Variants in FARP2 observed in about 807,000 individuals in gnomAD.
FARP2 encodes the protein FERM, ARHGEF and pleckstrin domain-containing protein 2.
Under a neutral mutation model 130.5 loss-of-function variants are expected in FARP2, and 111 were observed. That is an observed-to-expected ratio of 0.85 (90% CI 0.73 to 1.00). FARP2 has a LOEUF of 1.00. Ranked by LOEUF, FARP2 falls within the 50% of genes least tolerant of loss-of-function variation. The pLI is 0.00. For synonymous variants in FARP2, 504 were observed against 516.9 expected (o/e 0.98, Z 0.34); for missense variants, 1,385 against 1,346.3 (o/e 1.03, Z -0.45).
In FARP2 at chr2:241,491,572, C is replaced by T. The variant is rs750425141; in HGVS notation, c.2680C>T (p.Arg894Cys). The change falls in exon 24 of 27, where the codon CGC (arginine) becomes TGC (cysteine). Residue 894 changes from arginine to cysteine, a missense_variant. Transcript: ENST00000264042. ...QESEDDARGV[R>C]SSLEGHGQHR... ...GTCAGAAGATGATGCTCGGGGTGTC[C>T]GCAGCTCCCTGGAGGGGCATGGCCA... The T allele has an allele frequency of 1.4e-5, 23 of 1,613,656 alleles. No individual in the cohort carries two copies. Among genetic ancestry groups the T allele is most frequent in the Non-Finnish European group, 1.7e-5 (20 of 1,179,982 alleles).
rs1194487830 is a variant in FARP2 at position 241,493,944 on chromosome 2, T to G, written c.3048-64T>G. The stretch of plus-strand genomic sequence containing the variant: ...GTCCTGCTTGTCCCATATCCTGGGT[T>G]GTTCTTGGGACAGTGTCTGAGCACA... On this transcript the variant is annotated intron_variant, in intron 26 of 26. Transcript: ENST00000264042. 6 of 1,038,572 alleles carry G rather than the reference T, an allele frequency of 5.8e-6. No homozygotes were observed. The East Asian group carries it at 1.4e-4, about 25-fold the overall frequency. The allele number at this position is 1,038,572 out of a possible 1,614,324, so 64.3% of individuals were successfully genotyped here. A position where few individuals can be genotyped will look rare whatever the true frequency, so the allele number is the denominator to read the frequency against.
chr2:241,472,939 T>A (rs2064358099), intron 18 of FARP2, among the ~76,000 whole-genome samples: 1 of 149,928 alleles, frequency 6.7e-6, no homozygotes, highest in Non-Finnish European at 1.5e-5. Context: ...CTGAGGGGGA[T>A]GCTATTCTGA....
chr2:241,407,568 A>G lies in FARP2; in HGVS notation c.363A>G (p.Val121=). Residue 121 remains valine (V), a synonymous_variant, in exon 5 of 27, where the codon GTA becomes GTG. Coordinates refer to ENST00000264042, the MANE Select transcript of FARP2 (RefSeq NM_014808.4). ...AGAATGTGGTGCTTCGCCTAGCTGT[A>G]AAATTTTTTCCACCTGATCCTGGTC... ...RPKNVVLRLA[V]KFFPPDPGQL... 1 of 1,614,120 alleles carries G rather than the reference A, an allele frequency of 6.2e-7. No individual in the cohort carries two copies. Among genetic ancestry groups the G allele is most frequent in the Non-Finnish European group, 8.5e-7 (1 of 1,179,936 alleles).
At chr2:241,488,400 T>C (rs1216485150) in intron 21 of FARP2, 2 of 150,966 alleles carry the variant, frequency 1.3e-5, no homozygotes, top group Admixed American at 1.3e-4. Context: ...CTAGAATTTG[T>C]TTTTTTACTT....
intron 15 of FARP2, 85 bp downstream of exon 15, chr2:241,462,697 T>C (rs1187545887): frequency 9.9e-7 from 1 of 1,005,080 alleles, no homozygotes; most frequent in Non-Finnish European, 1.5e-6. Flanking sequence ...TTTTTCTTTT[T>C]TTCTTTTTTT....
intron 1 of FARP2, among the ~76,000 whole-genome samples, chr2:241,362,614 A>T (rs1044997653): frequency 6.6e-6 from 1 of 151,998 alleles, no homozygotes; most frequent in African/African-American, 2.4e-5. Flanking sequence ...AAATATATAT[A>T]TATATTAATT....
At chr2:241,439,856 G>C (rs1398374372) in intron 12 of FARP2, among the ~76,000 whole-genome samples, 1 of 152,098 alleles carries the variant, frequency 6.6e-6, no homozygotes, top group East Asian at 1.9e-4. Context: ...TACTCGGGAG[G>C]CTGAGACCGG....
intron 13 of FARP2, among the ~76,000 whole-genome samples, chr2:241,451,193 C>G (rs1033333385): frequency 3.3e-5 from 5 of 152,100 alleles, no homozygotes; most frequent in African/African-American, 1.2e-4. Context: ...AGGCTGGTCT[C>G]AAACTCCTGG....
At chr2:241,406,393 GTA>G (rs1351686917) in intron 4 of FARP2, among the ~76,000 whole-genome samples, 3 of 146,620 alleles carry the variant, frequency 2.0e-5, no homozygotes, top group African/African-American at 7.8e-5. Flanking sequence ...GTATGTGTGG[GTA>G]TATATATGTC....
At chr2:241,448,445 A>G (rs2063566201) in intron 13 of FARP2, among the ~76,000 whole-genome samples, 1 of 152,126 alleles carries the variant, frequency 6.6e-6, no homozygotes, top group Admixed American at 6.5e-5. Context: ...AATAACTATC[A>G]CCCTTTATTT....
intron 21 of FARP2, chr2:241,489,247 G>A (rs989930494): frequency 1.3e-5 from 2 of 152,214 alleles, no homozygotes; most frequent in Non-Finnish European, 2.9e-5. Flanking sequence ...ACTGGCCCTC[G>A]TTCCTGACTG....
In FARP2 at chr2:241,484,023, C is replaced by G. The variant is rs2064691588; in HGVS notation, c.2332-219C>G. ...GCCTCCAGCTTCTCAGCCAAGCTAG[C>G]TGGGAGCTGACCCAGCAGATGCACT... On this transcript the variant is annotated intron_variant, in intron 20 of 26. Coordinates refer to ENST00000264042, the MANE Select transcript of FARP2 (RefSeq NM_014808.4). The G allele has an allele frequency of 7.4e-6, 10 of 1,351,434 alleles. No homozygotes were observed. The South Asian group carries it at 1.3e-4, about 17-fold the overall frequency. 83.7% of individuals were successfully genotyped at this position (1,351,434 alleles called of 1,614,324 possible).
chr2:241,403,980 G>T, intron 3 of FARP2, 48 bp downstream of exon 3: 2 of 960,636 alleles, frequency 2.1e-6, no homozygotes, highest in Middle Eastern at 4.2e-4. Flanking sequence ...GGCCTGCTGT[G>T]ATGACAGCCG....
intron 6 of FARP2, among the ~76,000 whole-genome samples, chr2:241,413,097 T>C (rs1023805708): frequency 1.3e-5 from 2 of 152,192 alleles, no homozygotes; most frequent in Non-Finnish European, 2.9e-5. Flanking sequence ...GCCTTTGTTC[T>C]TCAAGAAATC....
At chr2:241,484,202 G>A (rs1250856037) in intron 20 of FARP2, 40 bp from the exon 21 acceptor site, 3 of 1,613,254 alleles carry the variant, frequency 1.9e-6, no homozygotes, top group Non-Finnish European at 1.7e-6. Flanking sequence ...TAAGACACTT[G>A]TTTGTGAAGT....
chr2:241,428,828 G>A (rs1045699970), intron 8 of FARP2, among the ~76,000 whole-genome samples: 1 of 152,124 alleles, frequency 6.6e-6, no homozygotes. Flanking sequence ...CTGGTATCCA[G>A]AACAGGCACC....
chr2:241,453,527 C>A (rs546020241), intron 13 of FARP2, among the ~76,000 whole-genome samples: 2 of 151,220 alleles, frequency 1.3e-5, no homozygotes, highest in African/African-American at 4.9e-5. Context: ...GAGGCTGAGG[C>A]AGGAGAATGG....
chr2:241,365,624 A>C (rs2061286292), intron 1 of FARP2, among the ~76,000 whole-genome samples: 1 of 152,202 alleles, frequency 6.6e-6, no homozygotes, highest in South Asian at 2.1e-4. Context: ...TTTACCAAAG[A>C]GACAAGGTCA....
At chr2:241,366,098 A>AT (rs2061297612) in intron 1 of FARP2, among the ~76,000 whole-genome samples, 1 of 442 alleles carries the variant, frequency 2.3e-3, no homozygotes, top group African/African-American at 4.7e-3. Context: ...CTACTAAAAA[A>AT]AAAAAAATAT....
Sources: allele counts gnomAD v4.1 joint callset (sites outside exome capture counted in the v4.1 genomes callset), GRCh38; gene constraint gnomAD v4.1.1; transcripts MANE v1.5; gene names NCBI Gene and HGNC (gene_info 2026-07-23, HGNC 2026-07-21).